SGMS1: variants seen among roughly 807,000 people sequenced by gnomAD.
The protein encoded by SGMS1 is phosphatidylcholine:ceramide cholinephosphotransferase 1.
In SGMS1, 13 loss-of-function variants were observed where a neutral mutation model predicts 46.2. That is an observed-to-expected ratio of 0.28 (90% confidence interval 0.18 to 0.45). The LOEUF is 0.45. Ranked by LOEUF, SGMS1 falls within the 20% of genes least tolerant of loss-of-function variation. SGMS1 has a pLI of 1.00. For synonymous variants in SGMS1, 203 were observed against 187.8 expected, an observed-to-expected ratio of 1.08 and a Z score of -0.66; for missense variants, 324 against 519.9, an observed-to-expected ratio of 0.62 and a Z score of 3.66.
chr10:50,515,686 C>A (rs1189206439), intron 3 of SGMS1, among the ~76,000 whole-genome samples: 1 of 152,182 alleles, frequency 6.6e-6, no homozygotes, highest in Non-Finnish European at 1.5e-5. Context: ...CATCACCTCC[C>A]CAGCTCCCCA....
intron 6 of SGMS1, among the ~76,000 whole-genome samples, chr10:50,385,067 T>G (rs1452066354): frequency 6.6e-6 from 1 of 152,046 alleles, no homozygotes; most frequent in African/African-American, 2.4e-5. Flanking sequence ...GGGTGCTAGT[T>G]TTTTTTTACC....
chr10:50,595,380 A>G (rs1838581775), intron 1 of SGMS1, among the ~76,000 whole-genome samples: 1 of 152,030 alleles, frequency 6.6e-6, no homozygotes, highest in African/African-American at 2.4e-5. Context: ...GTTTCACTGT[A>G]TTAGTCAGGC....
chr10:50,469,010 C>G (rs1234557968), intron 3 of SGMS1, among the ~76,000 whole-genome samples: 1 of 152,116 alleles, frequency 6.6e-6, no homozygotes, highest in African/African-American at 2.4e-5. Context: ...CTTAGAATCC[C>G]CAACTTAACC....
intron 2 of SGMS1, among the ~76,000 whole-genome samples, chr10:50,561,423 C>T (rs7078136): frequency 0.011 from 1,711 of 152,284 alleles, 42 homozygotes; most frequent in African/African-American, 0.039. Context: ...TAATTAACCA[C>T]GAGCACTGCT....
At chr10:50,528,742 A>C (rs1215917387) in intron 2 of SGMS1, among the ~76,000 whole-genome samples, 1 of 152,148 alleles carries the variant, frequency 6.6e-6, no homozygotes, top group East Asian at 1.9e-4. Context: ...TCTACAAAAA[A>C]ATAAAACCTA....
At chr10:50,589,511 C>T (rs1169255971) in intron 2 of SGMS1, among the ~76,000 whole-genome samples, 1 of 152,090 alleles carries the variant, frequency 6.6e-6, no homozygotes, top group Non-Finnish European at 1.5e-5. Flanking sequence ...TGTCTGTCAC[C>T]CAGGCTGCAG....
chr10:50,603,508 T>C (rs1838667285), intron 1 of SGMS1, among the ~76,000 whole-genome samples: 1 of 152,198 alleles, frequency 6.6e-6, no homozygotes, highest in Non-Finnish European at 1.5e-5. Flanking sequence ...AAGCAGTCTC[T>C]AGTAGTAAAT....
intron 6 of SGMS1, among the ~76,000 whole-genome samples, chr10:50,422,076 T>C (rs1175517172): frequency 6.6e-6 from 1 of 152,094 alleles, no homozygotes; most frequent in African/African-American, 2.4e-5. Context: ...GAATCTCTCC[T>C]CTCCTCCAAA....
chr10:50,561,522 G>C (rs1393607294), intron 2 of SGMS1, among the ~76,000 whole-genome samples: 1 of 152,188 alleles, frequency 6.6e-6, no homozygotes, highest in African/African-American at 2.4e-5. Flanking sequence ...TCGTCACATT[G>C]ATGCCAATTT....
chr10:50,484,497 A>T (rs1298381446), intron 3 of SGMS1, among the ~76,000 whole-genome samples: 1 of 152,204 alleles, frequency 6.6e-6, no homozygotes, highest in Non-Finnish European at 1.5e-5. Flanking sequence ...TTTCTTCTGA[A>T]ACTATTCCAA....
chr10:50,475,861 G>A (rs962217478), intron 3 of SGMS1, among the ~76,000 whole-genome samples: 9 of 152,012 alleles, frequency 5.9e-5, no homozygotes, highest in African/African-American at 2.2e-4. Context: ...GCAGAAGCCT[G>A]TACAGCCTGC....
intron 3 of SGMS1, among the ~76,000 whole-genome samples, chr10:50,511,571 T>C (rs1233066201): frequency 6.6e-6 from 1 of 152,148 alleles, no homozygotes; most frequent in Non-Finnish European, 1.5e-5. Context: ...ATATACAGAG[T>C]TGGCAATTAT....
chr10:50,416,378 T>C (rs973051959), intron 6 of SGMS1, among the ~76,000 whole-genome samples: 14 of 152,204 alleles, frequency 9.2e-5, no homozygotes, highest in East Asian at 3.8e-4. Flanking sequence ...CTTAGGACTA[T>C]TGTGAAAACT....
chr10:50,416,070 T>C (rs1849165312), intron 6 of SGMS1, among the ~76,000 whole-genome samples: 2 of 152,232 alleles, frequency 1.3e-5, no homozygotes, highest in Non-Finnish European at 2.9e-5. Flanking sequence ...TTGAAAGCCG[T>C]AGCCTTCTAG....
intron 6 of SGMS1, among the ~76,000 whole-genome samples, chr10:50,398,888 G>C (rs1227753919): frequency 6.6e-6 from 1 of 151,990 alleles, no homozygotes; most frequent in Admixed American, 6.6e-5. Flanking sequence ...TTATTCAAAA[G>C]AGTAAGAAAA....
chr10:50,497,585 G>A (rs939598498), intron 3 of SGMS1, among the ~76,000 whole-genome samples: 7 of 152,180 alleles, frequency 4.6e-5, no homozygotes, highest in African/African-American at 1.7e-4. Context: ...CTGAGTTCAG[G>A]AGTTTAAGAC....
intron 2 of SGMS1, among the ~76,000 whole-genome samples, chr10:50,586,479 G>A (rs746031079): frequency 1.2e-4 from 19 of 152,332 alleles, no homozygotes; most frequent in Non-Finnish European, 2.1e-4. Flanking sequence ...AAGCCCAAAC[G>A]TTCAACTCTT....
intron 1 of SGMS1, among the ~76,000 whole-genome samples, chr10:50,612,023 G>A (rs1389346784): frequency 1.3e-5 from 2 of 152,200 alleles, no homozygotes; most frequent in African/African-American, 2.4e-5. Context: ...CCCCCTGCCA[G>A]TGGGGTGGGT....
At chr10:50,392,469 G>A (rs926368500) in intron 6 of SGMS1, among the ~76,000 whole-genome samples, 8 of 152,082 alleles carry the variant, frequency 5.3e-5, no homozygotes, top group South Asian at 4.1e-4. Flanking sequence ...GTACAAGGTC[G>A]CGAGGTAGCA....
Sources: allele counts gnomAD v4.1 joint callset (sites outside exome capture counted in the v4.1 genomes callset), GRCh38; gene constraint gnomAD v4.1.1; transcripts MANE v1.5; gene names NCBI Gene and HGNC (gene_info 2026-07-23, HGNC 2026-07-21).